The following STPG2 variants were observed in gnomAD, a reference collection of about 807,000 sequenced individuals.
STPG2 encodes sperm-tail PG-rich repeat-containing protein 2.
A neutral mutation model predicts 54.2 loss-of-function variants in STPG2; 56 were observed. The ratio of observed to expected loss-of-function variants is 1.03; its 90% confidence interval spans 0.83 to 1.29. STPG2 has a LOEUF of 1.29. Ranked by LOEUF, STPG2 falls within the 50% of genes most tolerant of loss-of-function variation. The probability of loss-of-function intolerance (pLI) is 0.00; values close to 1 mark genes in which losing one functional copy is unlikely to be tolerated. For synonymous variants in STPG2, 200 were observed against 181.8 expected, an observed-to-expected ratio of 1.10 and a Z score of -0.81; for missense variants, 596 against 544.9, an observed-to-expected ratio of 1.09 and a Z score of -0.93.
chr4:97,729,089 C>CTCTCTCTCTCTCTCTT (rs1202167939), intron 9 of STPG2, among the ~76,000 whole-genome samples: 19 of 151,422 alleles, frequency 1.3e-4, no homozygotes, highest in Middle Eastern at 3.4e-3. Flanking sequence ...CTCTCTCTCT[C>CTCTCTCTCTCTCTCTT]TCTCTCTCAG....
intron 10 of STPG2, among the ~76,000 whole-genome samples, chr4:97,658,434 C>T (rs1403390320): frequency 2.6e-5 from 4 of 152,166 alleles, no homozygotes; most frequent in Non-Finnish European, 5.9e-5. Context: ...GGTAAAGAGA[C>T]AGGCGTGGCC....
intron 10 of STPG2, among the ~76,000 whole-genome samples, chr4:97,695,947 A>G (rs1374522094): frequency 1.3e-5 from 2 of 152,242 alleles, no homozygotes; most frequent in South Asian, 2.1e-4. Context: ...TACAAATTCA[A>G]TGCAGTTCCC....
chr4:97,643,933 T>C (rs1721835977), intron 10 of STPG2, among the ~76,000 whole-genome samples: 1 of 151,994 alleles, frequency 6.6e-6, no homozygotes, highest in South Asian at 2.1e-4. Flanking sequence ...TAAGTTATAG[T>C]AAATTTACCT....
chr4:97,458,812 G>T (rs941610684), intron 4 of STPG2, among the ~76,000 whole-genome samples: 7 of 152,170 alleles, frequency 4.6e-5, no homozygotes, highest in Non-Finnish European at 8.8e-5. Flanking sequence ...GCTTCAAAAA[G>T]GTTGATGTCC....
chr4:97,726,779 T>G (rs974748775), intron 9 of STPG2, among the ~76,000 whole-genome samples: 1 of 151,542 alleles, frequency 6.6e-6, no homozygotes, highest in African/African-American at 2.4e-5. Flanking sequence ...TGGTACTATG[T>G]GCATATATCA....
intron 7 of STPG2, among the ~76,000 whole-genome samples, chr4:97,963,488 A>G (rs1259397256): frequency 4.6e-5 from 7 of 152,034 alleles, no homozygotes; most frequent in Admixed American, 4.6e-4. Context: ...CCTTGTCTCT[A>G]TGAAAAATTT....
At chr4:97,651,167 C>G (rs1033072863) in intron 10 of STPG2, among the ~76,000 whole-genome samples, 1 of 151,888 alleles carries the variant, frequency 6.6e-6, no homozygotes, top group Non-Finnish European at 1.5e-5. Context: ...ATTTTTAAAC[C>G]CTGCATATCA....
chr4:97,493,556 T>C (rs1389899233), intron 4 of STPG2, among the ~76,000 whole-genome samples: 1 of 151,382 alleles, frequency 6.6e-6, no homozygotes, highest in African/African-American at 2.4e-5. Flanking sequence ...ATACAAGTTA[T>C]CACATGCTGC....
chr4:97,521,561 T>C (rs1437207993), intron 4 of STPG2, among the ~76,000 whole-genome samples: 4 of 152,050 alleles, frequency 2.6e-5, no homozygotes, highest in African/African-American at 9.7e-5. Flanking sequence ...ACAGTGAAAC[T>C]GGTACTAACA....
At chr4:97,647,300 C>A (rs1721939912) in intron 10 of STPG2, among the ~76,000 whole-genome samples, 2 of 152,094 alleles carry the variant, frequency 1.3e-5, no homozygotes, top group South Asian at 4.1e-4. Context: ...ACTCAAATGT[C>A]TTAGAATTGT....
At chr4:97,441,646 A>G (rs1054842372) in intron 4 of STPG2, 1 of 152,050 alleles carries the variant, frequency 6.6e-6, no homozygotes, top group African/African-American at 2.4e-5. Context: ...CTAATAAAAA[A>G]GATATAAAAT....
chr4:98,041,559 C>A (rs1416349976), intron 5 of STPG2, among the ~76,000 whole-genome samples: 1 of 151,882 alleles, frequency 6.6e-6, no homozygotes, highest in Non-Finnish European at 1.5e-5. Flanking sequence ...TAAATTTTAT[C>A]AAATGCTGCT....
At chr4:98,140,614 A>G (rs1740253803) in intron 1 of STPG2, among the ~76,000 whole-genome samples, 1 of 152,244 alleles carries the variant, frequency 6.6e-6, no homozygotes, top group East Asian at 1.9e-4. Flanking sequence ...AATAATTCCA[A>G]AACTTAAAGT....
intron 8 of STPG2, among the ~76,000 whole-genome samples, chr4:97,877,038 C>G (rs1296584798): frequency 6.6e-6 from 1 of 152,012 alleles, no homozygotes; most frequent in Non-Finnish European, 1.5e-5. Context: ...ATTGTAGAAA[C>G]ATTGATAAAA....
At chr4:97,895,056 T>C (rs184566779) in intron 8 of STPG2, among the ~76,000 whole-genome samples, 1 of 152,022 alleles carries the variant, frequency 6.6e-6, no homozygotes, top group Non-Finnish European at 1.5e-5. Flanking sequence ...ACTGTGTTTA[T>C]TTCAAGAATC....
chr4:97,743,504 T>C (rs1361311003), intron 9 of STPG2, among the ~76,000 whole-genome samples: 1 of 151,750 alleles, frequency 6.6e-6, no homozygotes, highest in Non-Finnish European at 1.5e-5. Flanking sequence ...TTGGTCCAAA[T>C]TGAATCACCT....
chr4:97,711,052 A>G (rs929990503), intron 10 of STPG2, among the ~76,000 whole-genome samples: 1 of 151,888 alleles, frequency 6.6e-6, no homozygotes, highest in South Asian at 2.1e-4. Context: ...TTAAGAAAGA[A>G]AAAGCAAGAA....
chr4:98,065,972 A>G (rs1737821036), intron 5 of STPG2, among the ~76,000 whole-genome samples: 3 of 152,152 alleles, frequency 2.0e-5, no homozygotes, highest in Admixed American at 2.0e-4. Flanking sequence ...AGGAAAATAC[A>G]TATTTTAATA....
intron 5 of STPG2, among the ~76,000 whole-genome samples, chr4:98,081,363 G>A (rs1175753911): frequency 2.0e-5 from 3 of 152,112 alleles, no homozygotes; most frequent in Non-Finnish European, 2.9e-5. Flanking sequence ...ATGCAAGGTA[G>A]TCATCGTCCA....
Sources: gnomAD v4.1 joint callset for allele counts (sites outside exome capture counted in the v4.1 genomes callset) on GRCh38, gnomAD v4.1.1 for gene constraint, MANE v1.5 for transcripts, NCBI Gene and HGNC (gene_info 2026-07-23, HGNC 2026-07-21) for gene names.